Variants in CDK14 observed in about 807,000 individuals in gnomAD.
CDK14 encodes cyclin dependent kinase 14.
A neutral mutation model predicts 60.7 loss-of-function variants in CDK14; 34 were observed. That is an observed-to-expected ratio of 0.56 (90% CI 0.43 to 0.75). The LOEUF (loss-of-function observed/expected upper bound fraction) is 0.75. Ranked by LOEUF, CDK14 falls within the 30% of genes least tolerant of loss-of-function variation. CDK14 has a pLI of 0.00. For synonymous variants in CDK14, 197 were observed against 203.7 expected (o/e 0.97, Z 0.28); for missense variants, 482 against 564.1 (o/e 0.85, Z 1.47).
At chr7:91,115,191 G>A (rs991923840) in intron 13 of CDK14, among the ~76,000 whole-genome samples, 10 of 152,092 alleles carry the variant, frequency 6.6e-5, no homozygotes, top group East Asian at 1.9e-4. Flanking sequence ...TAGGAACCTC[G>A]CTGTCTTAGT....
rs117451234 is a variant in CDK14, at chr7:91,092,236, G to C, written c.1154+12756G>C. Among the ~76,000 whole-genome samples the C allele has an allele frequency of 6.1e-4, 93 of 152,268 alleles. 2 individuals carry two copies. The East Asian group carries it at 0.01, about 16-fold the overall frequency. On this transcript the variant is annotated intron_variant, in intron 12 of 14. Transcript: ENST00000380050. The stretch of plus-strand genomic sequence containing the variant: ...AATAAAGGACTGTGAAACAAAGGTT[G>C]TGCTCAGTTCCAGTAAAAGATAGCC...
intron 7 of CDK14, among the ~76,000 whole-genome samples, chr7:90,916,334 C>T (rs1309320491): frequency 6.6e-6 from 1 of 152,208 alleles, no homozygotes; most frequent in African/African-American, 2.4e-5. Flanking sequence ...TCTTGACCAA[C>T]ACAGATCAGA....
chr7:91,172,406 C>G (rs1218109850), intron 14 of CDK14, among the ~76,000 whole-genome samples: 2 of 152,192 alleles, frequency 1.3e-5, no homozygotes, highest in Non-Finnish European at 2.9e-5. Context: ...GTCGCCTTAG[C>G]TGAGGCCCTC....
intron 3 of CDK14, 139 bp downstream of exon 3, chr7:90,726,951 G>T (rs535485499): frequency 2.1e-6 from 2 of 951,444 alleles, no homozygotes; most frequent in Non-Finnish European, 3.1e-6. Context: ...GAATGTTTTG[G>T]AAGAGAGAGA....
chr7:90,603,073 C>G (rs996545411), intron 1 of CDK14, among the ~76,000 whole-genome samples: 6 of 152,128 alleles, frequency 3.9e-5, no homozygotes, highest in African/African-American at 1.4e-4. Context: ...CAATAGCTAC[C>G]CAAGTGCTTC....
intron 8 of CDK14, among the ~76,000 whole-genome samples, chr7:90,950,789 A>G (rs1414731800): frequency 1.3e-5 from 2 of 152,368 alleles, no homozygotes; most frequent in East Asian, 1.9e-4. Flanking sequence ...GTTTGGGATC[A>G]TCAGTATATA....
At chr7:91,103,825 C>CGAGA (rs552559679) in intron 12 of CDK14, among the ~76,000 whole-genome samples, 9 of 123,818 alleles carry the variant, frequency 7.3e-5, no homozygotes, top group Admixed American at 7.9e-5. Flanking sequence ...GCAAGGAGAC[C>CGAGA]GAGAGAGAGA....
chr7:90,692,864 G>T (rs1043883089), intron 2 of CDK14: 4 of 153,894 alleles, frequency 2.6e-5, no homozygotes, highest in African/African-American at 9.7e-5. Flanking sequence ...ATTATATTTT[G>T]CATAGAAGTT....
chr7:91,182,496 T>G (rs1465265064), intron 14 of CDK14, among the ~76,000 whole-genome samples: 2 of 152,010 alleles, frequency 1.3e-5, no homozygotes, highest in Admixed American at 1.3e-4. Context: ...CCTCTGTCTC[T>G]CCTTCTCCTT....
intron 2 of CDK14, among the ~76,000 whole-genome samples, chr7:90,711,354 CCTCT>C (rs537286019): frequency 2.0e-4 from 30 of 151,994 alleles, no homozygotes; most frequent in African/African-American, 5.8e-4. Context: ...ATCAAATTTA[CCTCT>C]CTTTTTTTTT....
intron 4 of CDK14, among the ~76,000 whole-genome samples, chr7:90,770,151 C>T (rs1360642548): frequency 6.6e-6 from 1 of 152,202 alleles, no homozygotes; most frequent in Non-Finnish European, 1.5e-5. Flanking sequence ...TGCTAATGTC[C>T]TGTTTGATGG....
intron 2 of CDK14, among the ~76,000 whole-genome samples, chr7:90,690,357 T>G (rs890195427): frequency 6.6e-6 from 1 of 152,170 alleles, no homozygotes; most frequent in African/African-American, 2.4e-5. Flanking sequence ...TTTGGTGGCC[T>G]TTTTAGTGCC....
chr7:91,181,827 A>G (rs550116916), intron 14 of CDK14, among the ~76,000 whole-genome samples: 3 of 152,076 alleles, frequency 2.0e-5, no homozygotes, highest in Non-Finnish European at 4.4e-5. Flanking sequence ...TGGCATGACA[A>G]GATGTTCCAG....
chr7:90,717,888 G>A (rs1000468894), intron 2 of CDK14, among the ~76,000 whole-genome samples: 4 of 151,976 alleles, frequency 2.6e-5, no homozygotes, highest in African/African-American at 7.3e-5. Context: ...CTCTGGTCAT[G>A]GAAATACAAA....
intron 6 of CDK14, among the ~76,000 whole-genome samples, chr7:90,866,484 G>C (rs1791195737): frequency 6.6e-6 from 1 of 151,980 alleles, no homozygotes; most frequent in East Asian, 1.9e-4. Flanking sequence ...AATACCCCAT[G>C]CCCATTAAAA....
At chr7:90,743,072 C>T (rs2116787836) in intron 3 of CDK14, among the ~76,000 whole-genome samples, 1 of 152,146 alleles carries the variant, frequency 6.6e-6, no homozygotes, top group East Asian at 1.9e-4. Context: ...CACATGAGGT[C>T]AGGTGTGGAA....
At chr7:90,812,391 C>T (rs1025095465) in intron 5 of CDK14, among the ~76,000 whole-genome samples, 1 of 152,060 alleles carries the variant, frequency 6.6e-6, no homozygotes, top group Non-Finnish European at 1.5e-5. Context: ...ACGGCATGTT[C>T]TCACTCATAG....
intron 6 of CDK14, among the ~76,000 whole-genome samples, chr7:90,874,912 T>C (rs1452469229): frequency 1.3e-5 from 2 of 152,134 alleles, no homozygotes; most frequent in Admixed American, 1.3e-4. Flanking sequence ...AAGTACACAA[T>C]TCAGCGGTTT....
rs140947693 is a variant in CDK14 at position 91,010,070 on chromosome 7, T to C, written c.1041+25829T>C. Among the ~76,000 whole-genome samples the C allele has an allele frequency of 2.8e-3, 428 of 152,236 alleles. 2 individuals carry two copies. Among genetic ancestry groups the C allele is most frequent in the African/African-American group, 9.8e-3 (407 of 41,570 alleles). ...CTATCCTTTCTCCACTGAATTGCTT[T>C]TGCAACTTTATTGAAAGTCAGTTGG... On this transcript the variant is annotated intron_variant, in intron 10 of 14. Coordinates refer to ENST00000380050, the MANE Select transcript of CDK14 (RefSeq NM_001287135.2).
Sources: gnomAD v4.1 joint callset for allele counts (sites outside exome capture counted in the v4.1 genomes callset) on GRCh38, gnomAD v4.1.1 for gene constraint, MANE v1.5 for transcripts, NCBI Gene and HGNC (gene_info 2026-07-23, HGNC 2026-07-21) for gene names.